Variants in CFAP96 observed in about 807,000 individuals in gnomAD.
CFAP96 encodes the protein cilia and flagella associated protein 96, also known as cilia-and flagella-associated protein 96.
chr4:185,427,812 G>C, the CFAP96 span, among the ~76,000 whole-genome samples: 2 of 149,824 alleles, frequency 1.3e-5, no homozygotes, highest in Non-Finnish European at 3.0e-5. Context: ...CCAGCCGGGC[G>C]CGGTGGCCCA....
chr4:185,447,333 C>T, the CFAP96 span, among the ~76,000 whole-genome samples: 4 of 152,160 alleles, frequency 2.6e-5, no homozygotes, highest in East Asian at 3.9e-4. Context: ...AGGCGCCCGC[C>T]ACCACGCCCG....
chr4:185,418,887 A>T, the CFAP96 span: 4 of 782,722 alleles, frequency 5.1e-6, no homozygotes, highest in Non-Finnish European at 7.4e-6. Context: ...CCCCATATTC[A>T]ATAATAATTT....
chr4:185,428,190 G>A, the CFAP96 span, among the ~76,000 whole-genome samples: 1 of 151,980 alleles, frequency 6.6e-6, no homozygotes, highest in African/African-American at 2.4e-5. Flanking sequence ...GCTCATAATT[G>A]GTGCTTTAAA....
the CFAP96 span, among the ~76,000 whole-genome samples, chr4:185,439,063 T>G: frequency 6.6e-6 from 1 of 152,226 alleles, no homozygotes; most frequent in Non-Finnish European, 1.5e-5. Flanking sequence ...AAGGTGACCA[T>G]GCTGTAGCAA....
the CFAP96 span, among the ~76,000 whole-genome samples, chr4:185,445,874 T>C: frequency 6.6e-6 from 1 of 152,136 alleles, no homozygotes; most frequent in South Asian, 2.1e-4. Flanking sequence ...GGAGTTTCGC[T>C]CTTATTGCCC....
chr4:185,440,468 A>C, the CFAP96 span: 3 of 954,930 alleles, frequency 3.1e-6, no homozygotes, highest in African/African-American at 5.2e-5. Context: ...TTAAAATGTA[A>C]AAGATTTAAC....
the CFAP96 span, among the ~76,000 whole-genome samples, chr4:185,419,529 C>G: frequency 6.6e-6 from 1 of 152,220 alleles, no homozygotes; most frequent in African/African-American, 2.4e-5. Flanking sequence ...CACTTACTAA[C>G]TATATGATCT....
At chr4:185,427,588 C>T in the CFAP96 span, among the ~76,000 whole-genome samples, 1 of 150,758 alleles carries the variant, frequency 6.6e-6, no homozygotes, top group Non-Finnish European at 1.5e-5. Context: ...GGTGAAACCC[C>T]GTTTCTACTA....
At chr4:185,442,544 AC>A in the CFAP96 span, among the ~76,000 whole-genome samples, 1 of 151,866 alleles carries the variant, frequency 6.6e-6, no homozygotes. Flanking sequence ...TATTTTCTTG[AC>A]TTTCTTTTGC....
At chr4:185,437,339 C>T in the CFAP96 span, among the ~76,000 whole-genome samples, 3 of 152,046 alleles carry the variant, frequency 2.0e-5, no homozygotes, top group African/African-American at 7.2e-5. Context: ...ATAAAGGAAC[C>T]CTTATAAATC....
chr4:185,425,792 T>C, the CFAP96 span: 1 of 1,567,560 alleles, frequency 6.4e-7, no homozygotes, highest in Non-Finnish European at 8.7e-7. Context: ...TTTCAGGCGC[T>C]GTGAAGCCCG....
chr4:185,426,004 A>G, the CFAP96 span: 4 of 1,037,976 alleles, frequency 3.9e-6, no homozygotes, highest in East Asian at 2.6e-5. Flanking sequence ...GCTCGGCGGC[A>G]TGACGTCACG....
At chr4:185,426,821 C>G in the CFAP96 span, among the ~76,000 whole-genome samples, 4 of 143,736 alleles carry the variant, frequency 2.8e-5, no homozygotes, top group African/African-American at 1.0e-4. Flanking sequence ...CACCTGCGCT[C>G]ACGAGTTCGA....
At chr4:185,436,508 G>A in the CFAP96 span, 8 of 546,592 alleles carry the variant, frequency 1.5e-5, no homozygotes, top group Admixed American at 3.0e-5. Flanking sequence ...TCAGGAGTTC[G>A]AGACCAGCCT....
At chr4:185,443,337 TA>T in the CFAP96 span, among the ~76,000 whole-genome samples, 151 of 36,210 alleles carry the variant, frequency 4.2e-3, no homozygotes, top group Non-Finnish European at 7.0e-3. Context: ...TATATATATA[TA>T]TATATTTTTT....
At chr4:185,418,730 G>C in the CFAP96 span, 16 of 1,611,562 alleles carry the variant, frequency 9.9e-6, no homozygotes, top group Non-Finnish European at 1.4e-5. Flanking sequence ...TAGTTGACAG[G>C]TCACTCAACA....
At chr4:185,443,262 T>A in the CFAP96 span, among the ~76,000 whole-genome samples, 1 of 148,636 alleles carries the variant, frequency 6.7e-6, no homozygotes, top group Non-Finnish European at 1.5e-5. Flanking sequence ...TTATATTTTC[T>A]TAGAAAATCA....
chr4:185,446,060 C>G, the CFAP96 span, among the ~76,000 whole-genome samples: 13 of 151,986 alleles, frequency 8.6e-5, no homozygotes, highest in East Asian at 3.9e-4. Flanking sequence ...AGGCTGGTCT[C>G]GAACTCCCGA....
chr4:185,448,251 C>T, the CFAP96 span, among the ~76,000 whole-genome samples: 1 of 152,134 alleles, frequency 6.6e-6, no homozygotes, highest in Non-Finnish European at 1.5e-5. Context: ...GAACTCCTGA[C>T]CTCAGGTGAT....
Sources: gnomAD v4.1 joint callset for allele counts (sites outside exome capture counted in the v4.1 genomes callset) on GRCh38, gnomAD v4.1.1 for gene constraint, MANE v1.5 for transcripts, NCBI Gene and HGNC (gene_info 2026-07-23, HGNC 2026-07-21) for gene names.